The following GNG7 variants were observed in gnomAD, a reference collection of about 807,000 sequenced individuals.
GNG7 encodes the protein G protein subunit gamma 7, also known as guanine nucleotide-binding protein G(I)/G(S)/G(O) subunit gamma-7.
A neutral mutation model predicts 4.0 loss-of-function variants in GNG7; 1 was observed. That is an observed-to-expected ratio of 0.25 (90% confidence interval 0.09 to 1.18). GNG7 has a LOEUF of 1.18. Ranked by LOEUF, GNG7 falls within the 50% of genes most tolerant of loss-of-function variation. The probability of loss-of-function intolerance (pLI) is 0.50; values close to 1 mark genes in which losing one functional copy is unlikely to be tolerated. For synonymous variants in GNG7, 34 were observed against 36.9 expected, an observed-to-expected ratio of 0.92 and a Z score of 0.29; for missense variants, 86 against 91.9, an observed-to-expected ratio of 0.94 and a Z score of 0.26.
intron 1 of GNG7, among the ~76,000 whole-genome samples, chr19:2,700,166 G>C (rs1172203514): frequency 6.7e-6 from 1 of 148,576 alleles, no homozygotes; most frequent in Non-Finnish European, 1.5e-5. Flanking sequence ...TTTTGAGGCA[G>C]AGTCTCTCTC....
rs545008598 is a variant in GNG7, at chr19:2,545,991, AAAAG to A, written c.-38+9154_-38+9157del. On this transcript the variant is annotated intron_variant, in intron 3 of 4. Transcript: ENST00000382159. The stretch of plus-strand genomic sequence containing the variant: ...AAAACAAAACAAAACAAACAAACGA[AAAAG>A]AAAGGTGCACACAGCTTCCAGAGCG... 5.6e-3 allele frequency among the ~76,000 whole-genome samples: 849 copies of A among 152,194 alleles called. 6 individuals carry two copies. Among genetic ancestry groups the A allele is most frequent in the Non-Finnish European group, 9.0e-3 (611 of 67,994 alleles).
At chr19:2,529,387 T>C (rs1978515070) in intron 3 of GNG7, among the ~76,000 whole-genome samples, 1 of 152,072 alleles carries the variant, frequency 6.6e-6, no homozygotes, top group South Asian at 2.1e-4. Flanking sequence ...CCGGCTAATT[T>C]TTGTATTTTT....
chr19:2,696,283 AGAG>A (rs1226976898), intron 1 of GNG7, among the ~76,000 whole-genome samples: 1 of 129,252 alleles, frequency 7.7e-6, no homozygotes, highest in Non-Finnish European at 1.6e-5. Context: ...AGAAAGAAAA[AGAG>A]AGAGAGAGAA....
intron 4 of GNG7, among the ~76,000 whole-genome samples, chr19:2,515,352 C>A (rs914873728): frequency 6.6e-6 from 1 of 152,074 alleles, no homozygotes; most frequent in East Asian, 1.9e-4. Context: ...TAGGCCACAA[C>A]GTGGATGCAT....
At chr19:2,544,011 C>T (rs1412891773) in intron 3 of GNG7, among the ~76,000 whole-genome samples, 1 of 152,126 alleles carries the variant, frequency 6.6e-6, no homozygotes, top group African/African-American at 2.4e-5. Flanking sequence ...CAAACCTCTG[C>T]CTGCCTCGAA....
chr19:2,685,912 C>T (rs978025744), intron 1 of GNG7, among the ~76,000 whole-genome samples: 8 of 152,168 alleles, frequency 5.3e-5, no homozygotes, highest in African/African-American at 4.8e-5. Context: ...ACTGTCCCCG[C>T]GAGAGGAGGC....
chr19:2,637,324 G>T (rs1187365910), intron 2 of GNG7, among the ~76,000 whole-genome samples: 1 of 152,020 alleles, frequency 6.6e-6, no homozygotes, highest in African/African-American at 2.4e-5. Flanking sequence ...CATCAGGACA[G>T]GCAGCCACGG....
intron 2 of GNG7, among the ~76,000 whole-genome samples, chr19:2,627,691 G>A (rs1305841390): frequency 6.6e-6 from 1 of 152,214 alleles, no homozygotes; most frequent in Non-Finnish European, 1.5e-5. Context: ...CACATTCCAG[G>A]AGGCTGATCA....
chr19:2,563,774 G>A (rs1448400442), intron 2 of GNG7, among the ~76,000 whole-genome samples: 4 of 152,104 alleles, frequency 2.6e-5, no homozygotes, highest in Non-Finnish European at 2.9e-5. Context: ...GAGCCACCGC[G>A]CCCGGCCCAG....
chr19:2,627,068 A>G (rs1294602843), intron 2 of GNG7, among the ~76,000 whole-genome samples: 2 of 152,020 alleles, frequency 1.3e-5, no homozygotes, highest in African/African-American at 4.8e-5. Context: ...CTTCCCACTC[A>G]GGTGTGGATT....
chr19:2,641,072 CAAG>C (rs931774445), intron 2 of GNG7, among the ~76,000 whole-genome samples: 43 of 152,350 alleles, frequency 2.8e-4, no homozygotes, highest in South Asian at 4.1e-4. Context: ...AGAGGTGGTA[CAAG>C]AAGAAGGGAC....
At chr19:2,661,356 G>GAAAGAAAGAAAGAA (rs1256518731) in intron 1 of GNG7, among the ~76,000 whole-genome samples, 4 of 146,776 alleles carry the variant, frequency 2.7e-5, no homozygotes, top group Admixed American at 6.8e-5. Flanking sequence ...AAGAAAGAAA[G>GAAAGAAAGAAAGAA]AAAGAAATGG....
intron 1 of GNG7, among the ~76,000 whole-genome samples, chr19:2,688,428 C>T (rs930141100): frequency 2.0e-5 from 3 of 152,108 alleles, no homozygotes; most frequent in Admixed American, 6.6e-5. Context: ...TTAACAGCAC[C>T]AGTAGGAAGT....
intron 3 of GNG7, among the ~76,000 whole-genome samples, chr19:2,544,965 A>G (rs550901577): frequency 6.6e-6 from 1 of 152,286 alleles, no homozygotes; most frequent in South Asian, 2.1e-4. Flanking sequence ...TAAGCTCCCA[A>G]CGGGATGGAT....
intron 1 of GNG7, among the ~76,000 whole-genome samples, chr19:2,701,726 T>C (rs1465190357): frequency 7.4e-4 from 73 of 99,090 alleles, no homozygotes; most frequent in Non-Finnish European, 2.2e-4. Flanking sequence ...TCCAGCTCCC[T>C]GCAAACCTCA....
intron 3 of GNG7, chr19:2,538,073 T>C: frequency 6.6e-6 from 2 of 302,126 alleles, no homozygotes; most frequent in South Asian, 2.6e-5. Flanking sequence ...CAAGACTCTC[T>C]CTCAAACAAA....
At chr19:2,676,057 C>G (rs12609380) in intron 1 of GNG7, among the ~76,000 whole-genome samples, 25,836 of 152,128 alleles carry the variant, frequency 0.17, 3,178 homozygotes, top group East Asian at 0.56. Flanking sequence ...GGAAGGGGGC[C>G]GTGTGAGGAT....
chr19:2,677,538 A>G (rs1363213291), intron 1 of GNG7, among the ~76,000 whole-genome samples: 6 of 151,924 alleles, frequency 3.9e-5, no homozygotes, highest in Non-Finnish European at 7.4e-5. Context: ...TTGACACCAG[A>G]CACTAGAAAA....
At chr19:2,603,354 C>A (rs914395676) in intron 2 of GNG7, among the ~76,000 whole-genome samples, 1 of 152,230 alleles carries the variant, frequency 6.6e-6, no homozygotes, top group Admixed American at 6.5e-5. Flanking sequence ...CGTGAGCCGC[C>A]GTGCCCGGCC....
Sources: gnomAD v4.1 joint callset for allele counts (sites outside exome capture counted in the v4.1 genomes callset) on GRCh38, gnomAD v4.1.1 for gene constraint, MANE v1.5 for transcripts, NCBI Gene and HGNC (gene_info 2026-07-23, HGNC 2026-07-21) for gene names.